SOX6: variants seen among roughly 807,000 people sequenced by gnomAD.
SOX6 encodes the protein SRY-box transcription factor 6.
A neutral mutation model predicts 97.8 loss-of-function variants in SOX6; 11 were observed. The observed-to-expected ratio is 0.11, with a 90% confidence interval of 0.07 to 0.19. The LOEUF is 0.19. SOX6 is among the 10% of genes least tolerant of loss of function. SOX6 has a pLI of 1.00. For synonymous variants in SOX6, 360 were observed against 371.4 expected (o/e 0.97, Z 0.35); for missense variants, 810 against 1,039.5 (o/e 0.78, Z 3.04).
intron 4 of SOX6, among the ~76,000 whole-genome samples, chr11:16,578,310 C>A (rs1246435581): frequency 6.6e-6 from 1 of 152,108 alleles, no homozygotes; most frequent in Non-Finnish European, 1.5e-5. Context: ...AAGAAGATTT[C>A]AGAATCACTA....
intron 3 of SOX6, among the ~76,000 whole-genome samples, chr11:16,267,712 A>T (rs1367531266): frequency 6.6e-6 from 1 of 151,558 alleles, no homozygotes; most frequent in Non-Finnish European, 1.5e-5. Context: ...TGAACGATTT[A>T]AAATCAGTAT....
chr11:16,539,633 G>C (rs1030641926), intron 4 of SOX6, among the ~76,000 whole-genome samples: 3 of 152,080 alleles, frequency 2.0e-5, no homozygotes, highest in Non-Finnish European at 4.4e-5. Flanking sequence ...AAATGATAAA[G>C]GGGATATCAC....
At chr11:16,237,665 G>A (rs1438562234) in intron 3 of SOX6, among the ~76,000 whole-genome samples, 1 of 151,940 alleles carries the variant, frequency 6.6e-6, no homozygotes, top group Non-Finnish European at 1.5e-5. Flanking sequence ...CAGTAATCAT[G>A]TAAGATTCCA....
chr11:16,069,273 T>C (rs1033573834), intron 9 of SOX6, among the ~76,000 whole-genome samples: 11 of 152,182 alleles, frequency 7.2e-5, no homozygotes, highest in African/African-American at 2.7e-4. Flanking sequence ...AGGAAAGTGA[T>C]ATGCATAAAA....
At chr11:16,490,199 T>C (rs538270104) in intron 4 of SOX6, among the ~76,000 whole-genome samples, 4 of 152,050 alleles carry the variant, frequency 2.6e-5, no homozygotes, top group Non-Finnish European at 5.9e-5. Flanking sequence ...AAAGCAATTA[T>C]AGAAATTACA....
At chr11:16,495,198 C>T (rs574101638) in intron 4 of SOX6, among the ~76,000 whole-genome samples, 1 of 152,276 alleles carries the variant, frequency 6.6e-6, no homozygotes, top group East Asian at 1.9e-4. Context: ...CCCATAGCCA[C>T]TACCTGGGGC....
At position 16,414,782 on chromosome 11, in the gene SOX6, C is replaced by A. The variant is rs115714310; in HGVS notation, c.-5+61533G>T. ...AGTAAATATGTTTAACAGAAGTATT[C>A]CAGGTACAAGAAACTACATGAAATA... is the stretch of plus-strand genomic sequence containing the variant. On this transcript the variant is annotated intron_variant, in intron 1 of 15. Coordinates refer to the SOX6 transcript ENST00000396356. Among the ~76,000 whole-genome samples the A allele has an allele frequency of 8.5e-3, 1,298 of 152,136 alleles. 20 individuals carry two copies. The highest frequency in any genetic ancestry group is 0.03 in the African/African-American group (1,241 of 41,500).
intron 3 of SOX6, among the ~76,000 whole-genome samples, chr11:16,699,643 T>C (rs1283365522): frequency 6.6e-6 from 1 of 152,204 alleles, no homozygotes; most frequent in African/African-American, 2.4e-5. Context: ...AGTCACACTA[T>C]ACTAGATACT....
At chr11:16,709,474 T>C (rs1408875043) in intron 3 of SOX6, among the ~76,000 whole-genome samples, 2 of 151,480 alleles carry the variant, frequency 1.3e-5, no homozygotes, top group Non-Finnish European at 2.9e-5. Context: ...GTTGAGATCG[T>C]GCGACTGCAC....
intron 6 of SOX6, among the ~76,000 whole-genome samples, chr11:16,145,302 C>A (rs1218640017): frequency 2.6e-5 from 4 of 152,080 alleles, no homozygotes; most frequent in South Asian, 4.1e-4. Context: ...ATTCAACAGC[C>A]CTTCATGCTA....
At chr11:16,052,630 G>T (rs952274807) in intron 10 of SOX6, among the ~76,000 whole-genome samples, 6 of 152,060 alleles carry the variant, frequency 3.9e-5, no homozygotes, top group Admixed American at 6.6e-5. Context: ...TGCTTTGCAA[G>T]CCTGATATTT....
chr11:16,688,522 T>C (rs1176300222), intron 3 of SOX6, among the ~76,000 whole-genome samples: 1 of 152,198 alleles, frequency 6.6e-6, no homozygotes, highest in Non-Finnish European at 1.5e-5. Flanking sequence ...ATCAAGATAT[T>C]TAATCTTTTC....
At chr11:16,290,299 A>C (rs1319300368) in intron 3 of SOX6, among the ~76,000 whole-genome samples, 1 of 152,088 alleles carries the variant, frequency 6.6e-6, no homozygotes, top group Non-Finnish European at 1.5e-5. Flanking sequence ...AATTATTTCC[A>C]TCTGAAACCT....
intron 4 of SOX6, among the ~76,000 whole-genome samples, chr11:16,514,675 T>C (rs1190739644): frequency 2.7e-5 from 4 of 149,318 alleles, no homozygotes; most frequent in Non-Finnish European, 4.5e-5. Flanking sequence ...TAGGTATATC[T>C]CCCAATGCTA....
At chr11:16,235,226 C>G (rs1852980313) in intron 3 of SOX6, among the ~76,000 whole-genome samples, 1 of 151,932 alleles carries the variant, frequency 6.6e-6, no homozygotes. Flanking sequence ...AGTAATAAAA[C>G]TGCTAAAATT....
chr11:16,174,790 C>T (rs914563731), intron 6 of SOX6, among the ~76,000 whole-genome samples: 1 of 151,974 alleles, frequency 6.6e-6, no homozygotes, highest in Non-Finnish European at 1.5e-5. Flanking sequence ...CACATAATTT[C>T]AACTGTCTTT....
At chr11:16,017,372 A>G (rs1215392821) in intron 12 of SOX6, among the ~76,000 whole-genome samples, 2 of 152,114 alleles carry the variant, frequency 1.3e-5, no homozygotes, top group Non-Finnish European at 2.9e-5. Flanking sequence ...AAATAGGAAG[A>G]AAATAAATCA....
At chr11:15,980,076 G>A (rs1461606804) in intron 15 of SOX6, among the ~76,000 whole-genome samples, 9 of 152,000 alleles carry the variant, frequency 5.9e-5, no homozygotes. Context: ...AAAATTCTAA[G>A]TAATCTATTT....
At position 16,458,892 on chromosome 11, in the gene SOX6, G is replaced by C. The variant is rs10832609; in HGVS notation, c.-5+17423C>G. 5.3e-5 allele frequency among the ~76,000 whole-genome samples: 8 copies of C among 152,070 alleles called. No individual in the cohort carries two copies. In the East Asian group the frequency reaches 1.5e-3, roughly 29 times the overall value. ...ACAGAGGTGAACTCTAATAACTTCAGTGAGTTAAGAAGATGGAGCTTGTAG... is the reference window on the plus strand; with the variant it reads ...ACAGAGGTGAACTCTAATAACTTCACTGAGTTAAGAAGATGGAGCTTGTAG... On this transcript the variant is annotated intron_variant, in intron 1 of 15. Coordinates refer to the SOX6 transcript ENST00000396356.
Sources: allele counts gnomAD v4.1 joint callset (sites outside exome capture counted in the v4.1 genomes callset), GRCh38; gene constraint gnomAD v4.1.1; transcripts MANE v1.5; gene names NCBI Gene and HGNC (gene_info 2026-07-23, HGNC 2026-07-21).